CHL1: variants seen among roughly 807,000 people sequenced by gnomAD.
The protein encoded by CHL1 is cell adhesion molecule L1 like, also known as neural cell adhesion molecule L1-like protein.
A neutral mutation model predicts 141.9 loss-of-function variants in CHL1; 96 were observed. The observed-to-expected ratio is 0.68, with a 90% CI of 0.57 to 0.80. CHL1 has a LOEUF of 0.80. Ranked by LOEUF, CHL1 falls within the 30% of genes least tolerant of loss-of-function variation. The pLI is 0.00. For missense variants in CHL1, 1,820 were observed against 1,457.2 expected (o/e 1.25, Z -4.05); for synonymous variants, 613 against 502.2 (o/e 1.22, Z -2.95).
intron 16 of CHL1, among the ~76,000 whole-genome samples, chr3:381,201 T>C (rs1168882428): frequency 6.6e-6 from 1 of 152,178 alleles, no homozygotes; most frequent in Non-Finnish European, 1.5e-5. Context: ...GGAGGTAATA[T>C]GGTCCATTGG....
At chr3:241,628 C>G (rs1692575725) in intron 1 of CHL1, among the ~76,000 whole-genome samples, 1 of 150,936 alleles carries the variant, frequency 6.6e-6, no homozygotes, top group African/African-American at 2.4e-5. Flanking sequence ...TTTAATTTAA[C>G]TAGTTTTTTT....
intron 1 of CHL1, among the ~76,000 whole-genome samples, chr3:219,066 A>G (rs780739005): frequency 2.9e-4 from 39 of 133,132 alleles, no homozygotes; most frequent in Middle Eastern, 4.6e-3. Flanking sequence ...GGAGAATGGC[A>G]TGAACCCGGG....
At chr3:259,548 T>C (rs906997071) in intron 2 of CHL1, among the ~76,000 whole-genome samples, 1 of 152,186 alleles carries the variant, frequency 6.6e-6, no homozygotes, top group Non-Finnish European at 1.5e-5. Context: ...CATCATCTTA[T>C]CAGGGAGGCC....
chr3:310,629 T>G (rs1699676592), intron 2 of CHL1, among the ~76,000 whole-genome samples: 1 of 152,192 alleles, frequency 6.6e-6, no homozygotes, highest in Admixed American at 6.5e-5. Flanking sequence ...GGGCAGAACG[T>G]GCAGAAATTT....
At chr3:405,366 C>T (rs1709459199) in intron 27 of CHL1, 129 bp from the exon 28 acceptor site, 5 of 629,844 alleles carry the variant, frequency 7.9e-6, no homozygotes, top group Admixed American at 2.9e-5. Context: ...GTGGGCTTTA[C>T]TATCTGTCTT....
intron 1 of CHL1, among the ~76,000 whole-genome samples, chr3:210,522 C>G (rs1242275532): frequency 6.6e-6 from 1 of 152,214 alleles, no homozygotes; most frequent in African/African-American, 2.4e-5. Context: ...CAGGGCCTCT[C>G]TCCTGGTCCT....
At chr3:216,751 C>T (rs1700357668) in intron 1 of CHL1, among the ~76,000 whole-genome samples, 1 of 152,196 alleles carries the variant, frequency 6.6e-6, no homozygotes, top group Non-Finnish European at 1.5e-5. Flanking sequence ...CCAATCACAA[C>T]AGAAAACTAG....
At chr3:346,043 G>A (rs537428183) in intron 9 of CHL1, among the ~76,000 whole-genome samples, 1 of 152,220 alleles carries the variant, frequency 6.6e-6, no homozygotes, top group Non-Finnish European at 1.5e-5. Context: ...TAATCTGTTC[G>A]TAAGCTAAGG....
chr3:370,434 G>C (rs1705482275), intron 15 of CHL1, among the ~76,000 whole-genome samples: 1 of 151,820 alleles, frequency 6.6e-6, no homozygotes, highest in Admixed American at 6.6e-5. Context: ...TGTGGGGTCA[G>C]TGGTGATGTC....
chr3:344,466 AAC>A (rs56787746), intron 8 of CHL1, 121 bp from the exon 9 acceptor site: 7,201 of 562,026 alleles, frequency 0.013, 202 homozygotes, highest in African/African-American at 0.097. Flanking sequence ...ATGTGTATAG[AAC>A]ACACACACAC....
chr3:370,929 A>C (rs1373006310), intron 15 of CHL1, among the ~76,000 whole-genome samples: 1 of 152,114 alleles, frequency 6.6e-6, no homozygotes, highest in Non-Finnish European at 1.5e-5. Context: ...GAGTTTCTTA[A>C]TCCTGAGTTC....
chr3:271,129 A>G (rs1043377361), intron 2 of CHL1, among the ~76,000 whole-genome samples: 1 of 152,236 alleles, frequency 6.6e-6, no homozygotes, highest in Non-Finnish European at 1.5e-5. Flanking sequence ...CAATCAAAAA[A>G]AAATTCTTAT....
chr3:338,182 G>T (rs571068199), intron 5 of CHL1, among the ~76,000 whole-genome samples: 12 of 152,136 alleles, frequency 7.9e-5, no homozygotes, highest in African/African-American at 2.9e-4. Context: ...AGTTGATTCT[G>T]ATCCCTTTGC....
At chr3:233,217 C>A (rs760015254) in intron 1 of CHL1, among the ~76,000 whole-genome samples, 1 of 152,124 alleles carries the variant, frequency 6.6e-6, no homozygotes, top group African/African-American at 2.4e-5. Context: ...ACATTCTGTG[C>A]GATCCAACTT....
chr3:211,395 G>C (rs193153441), intron 1 of CHL1, among the ~76,000 whole-genome samples: 81 of 152,320 alleles, frequency 5.3e-4, no homozygotes, highest in African/African-American at 1.9e-3. Flanking sequence ...TGCAGGGTGA[G>C]GATAGACAGC....
intron 2 of CHL1, among the ~76,000 whole-genome samples, chr3:290,378 T>C (rs1179250954): frequency 1.3e-5 from 2 of 152,158 alleles, no homozygotes; most frequent in African/African-American, 4.8e-5. Context: ...CAAATTAATA[T>C]TAGCAAATAG....
chr3:259,048 C>G (rs1303703218), intron 2 of CHL1, among the ~76,000 whole-genome samples: 1 of 151,688 alleles, frequency 6.6e-6, no homozygotes, highest in Non-Finnish European at 1.5e-5. Context: ...GTCCTCCCAC[C>G]TCAGCATCCT....
chr3:302,625 C>A (rs774777461), intron 2 of CHL1, among the ~76,000 whole-genome samples: 1 of 151,990 alleles, frequency 6.6e-6, no homozygotes, highest in Non-Finnish European at 1.5e-5. Flanking sequence ...TGTTTAAGTT[C>A]TTTGTAGATT....
At chr3:263,277 C>A (rs1304975102) in intron 2 of CHL1, among the ~76,000 whole-genome samples, 1 of 151,882 alleles carries the variant, frequency 6.6e-6, no homozygotes, top group African/African-American at 2.4e-5. Flanking sequence ...AATCTCATCC[C>A]CAGGGTGGTA....
Sources: gnomAD v4.1 joint callset for allele counts (sites outside exome capture counted in the v4.1 genomes callset) on GRCh38, gnomAD v4.1.1 for gene constraint, MANE v1.5 for transcripts, NCBI Gene and HGNC (gene_info 2026-07-23, HGNC 2026-07-21) for gene names.